Variants in HTR2C observed in about 807,000 individuals in gnomAD.
HTR2C encodes 5-hydroxytryptamine (serotonin) receptor 2C, G protein-coupled.
HTR2C carries 5 observed loss-of-function variants against 21.0 expected under a neutral mutation model. That is an observed-to-expected ratio of 0.24 (90% CI 0.12 to 0.50). The LOEUF is 0.50. Among genes scored for constraint, HTR2C ranks in the 20% least tolerant of loss-of-function variants. HTR2C has a pLI of 0.98. For missense variants in HTR2C, 271 were observed against 371.2 expected (o/e 0.73, Z 2.22); for synonymous variants, 150 against 145.3 (o/e 1.03, Z -0.23).
chrX:114,752,397 T>C (rs782329942), intron 4 of HTR2C, among the ~76,000 whole-genome samples: 167 of 111,445 alleles, frequency 1.5e-3, no homozygotes, highest in Admixed American at 2.4e-3. Context: ...TTAGAATATC[T>C]TCAGATCCCC....
At chrX:114,597,466 C>T (rs1927910583) in intron 1 of HTR2C, among the ~76,000 whole-genome samples, 2 of 110,972 alleles carry the variant, frequency 1.8e-5, no homozygotes, top group Non-Finnish European at 3.8e-5. Context: ...TTGTGTACCA[C>T]ATAAAAATGA....
At chrX:114,728,598 C>T (rs1372924774) in intron 3 of HTR2C, among the ~76,000 whole-genome samples, 1 of 110,950 alleles carries the variant, frequency 9.0e-6, no homozygotes, top group Non-Finnish European at 1.9e-5. Context: ...AACACCATTA[C>T]CTTATTTTGT....
At chrX:114,771,835 A>G (rs2070007162) in intron 4 of HTR2C, among the ~76,000 whole-genome samples, 1 of 112,497 alleles carries the variant, frequency 8.9e-6, no homozygotes, top group Non-Finnish European at 1.9e-5. Flanking sequence ...GAAGAACTGA[A>G]CTCAGAGTCA....
intron 1 of HTR2C, 141 bp downstream of exon 1, chrX:114,584,800 T>A (rs1196413440): frequency 6.3e-5 from 7 of 110,494 alleles, no homozygotes; most frequent in African/African-American, 1.3e-4. Flanking sequence ...GGGGAGGGAC[T>A]CTGAACGCGC....
chrX:114,694,135 C>T (rs1932192850), intron 2 of HTR2C, among the ~76,000 whole-genome samples: 1 of 110,157 alleles, frequency 9.1e-6, no homozygotes, highest in African/African-American at 3.3e-5. Context: ...TTAGCTTTTC[C>T]CTGGGAAAAT....
At chrX:114,850,151 G>A (rs782690154) in intron 5 of HTR2C, among the ~76,000 whole-genome samples, 16 of 111,654 alleles carry the variant, frequency 1.4e-4, no homozygotes, top group Non-Finnish European at 3.0e-4. Context: ...TCTTACACCT[G>A]TAATTCCAGC....
intron 4 of HTR2C, among the ~76,000 whole-genome samples, chrX:114,790,320 C>T (rs782733845): frequency 1.3e-4 from 14 of 111,723 alleles, no homozygotes; most frequent in Non-Finnish European, 2.4e-4. Context: ...AGTTCTATGT[C>T]CTTCCAAATC....
intron 5 of HTR2C, chrX:114,900,431 A>G (rs1556484998): frequency 2.7e-5 from 6 of 223,189 alleles, no homozygotes; most frequent in Non-Finnish European, 2.5e-5. Context: ...CTTTGATGAC[A>G]CATAATCAAG....
intron 4 of HTR2C, among the ~76,000 whole-genome samples, chrX:114,761,911 A>G (rs1424819500): frequency 9.2e-6 from 1 of 108,482 alleles, no homozygotes; most frequent in Non-Finnish European, 1.9e-5. Flanking sequence ...ATATATGTGT[A>G]TATATACGTG....
chrX:114,790,998 C>CAA (rs782105420), intron 4 of HTR2C, among the ~76,000 whole-genome samples: 12 of 85,853 alleles, frequency 1.4e-4, no homozygotes, highest in East Asian at 3.5e-4. Flanking sequence ...ACCCTGTCTC[C>CAA]AAAAAAAAAA....
At chrX:114,720,183 G>T (rs916901332) in intron 2 of HTR2C, among the ~76,000 whole-genome samples, 4 of 110,804 alleles carry the variant, frequency 3.6e-5, no homozygotes, top group African/African-American at 1.3e-4. Flanking sequence ...TGGTCAGGGT[G>T]ATATAGCTCT....
intron 5 of HTR2C, among the ~76,000 whole-genome samples, chrX:114,852,763 T>TTGTGTG (rs58478809): frequency 3.1e-4 from 32 of 102,814 alleles, no homozygotes; most frequent in African/African-American, 1.1e-3. Context: ...CTAAGAATAA[T>TTGTGTG]TGTGTGTGTG....
intron 5 of HTR2C, among the ~76,000 whole-genome samples, chrX:114,883,786 G>C (rs183472741): frequency 4.8e-4 from 53 of 110,308 alleles, no homozygotes; most frequent in African/African-American, 1.7e-3. Context: ...TTTGTGGTGA[G>C]AACACTTAAA....
chrX:114,714,237 C>T (rs1932942446), intron 2 of HTR2C, among the ~76,000 whole-genome samples: 1 of 111,573 alleles, frequency 9.0e-6, no homozygotes, highest in Non-Finnish European at 1.9e-5. Context: ...GAAGAGTACA[C>T]AAAACCATAA....
chrX:114,806,409 C>A lies in HTR2C; in HGVS notation c.350-41594C>A, dbSNP rs1292129657. On this transcript the variant is annotated intron_variant, in intron 4 of 5. Coordinates refer to ENST00000276198, the MANE Select transcript of HTR2C (RefSeq NM_000868.4). ...ATATATATACTGTATATATATACAC[C>A]ATATATATATACTGTATATATATAC... Among the ~76,000 whole-genome samples the A allele has an allele frequency of 8.9e-4, 12 of 13,501 alleles. 1 individual carries two copies. The highest frequency in any genetic ancestry group is 1.8e-3 in the Non-Finnish European group (10 of 5,413). The allele number at this position is 13,501 out of a possible 115,157, so 11.7% of individuals were successfully genotyped here.
chrX:114,606,738 G>T (rs193207248), intron 1 of HTR2C, among the ~76,000 whole-genome samples: 26 of 111,796 alleles, frequency 2.3e-4, no homozygotes, highest in African/African-American at 7.8e-4. Context: ...AGAGCAGGAG[G>T]ACAGGGGATT....
At chrX:114,723,096 G>C (rs1933292434) in intron 2 of HTR2C, among the ~76,000 whole-genome samples, 1 of 111,242 alleles carries the variant, frequency 9.0e-6, no homozygotes, top group Non-Finnish European at 1.9e-5. Flanking sequence ...AATGGTACCA[G>C]TTCCTCCTTG....
rs111766448 is a variant in HTR2C, at chrX:114,864,535, C to T, written c.550+16332C>T. Among the ~76,000 whole-genome samples the T allele has an allele frequency of 9.3e-3, 1,032 of 111,401 alleles. 17 individuals are homozygous for T. The highest frequency in any genetic ancestry group is 0.032 in the African/African-American group (978 of 30,778). ...TTTTGACCATTGTGACTTTCATCTT[C>T]ATACTAGCAATGCGTATAATTTATA... On this transcript the variant is annotated intron_variant, in intron 5 of 5. Transcript: ENST00000276198.
intron 4 of HTR2C, among the ~76,000 whole-genome samples, chrX:114,817,476 A>G (rs1488905941): frequency 8.9e-6 from 1 of 112,191 alleles, no homozygotes. Flanking sequence ...CTCTGAATCA[A>G]CTATTTCGGG....
Sources: gnomAD v4.1 joint callset for allele counts (sites outside exome capture counted in the v4.1 genomes callset) on GRCh38, gnomAD v4.1.1 for gene constraint, MANE v1.5 for transcripts, NCBI Gene and HGNC (gene_info 2026-07-23, HGNC 2026-07-21) for gene names.